FABP6: variants seen among roughly 807,000 people sequenced by gnomAD.
The protein encoded by FABP6 is gastrotropin.
FABP6 carries 13 observed loss-of-function variants against 14.9 expected under a neutral mutation model. The ratio of observed to expected loss-of-function variants is 0.87; its 90% CI spans 0.57 to 1.39. The LOEUF (loss-of-function observed/expected upper bound fraction) is 1.39, where lower values mean the gene tolerates loss of function less well. FABP6 is among the 40% of genes most tolerant of loss of function. The probability of loss-of-function intolerance (pLI) is 0.00; values close to 1 mark genes in which losing one functional copy is unlikely to be tolerated. For synonymous variants in FABP6, 75 were observed against 63.6 expected, an observed-to-expected ratio of 1.18 and a Z score of -0.85; for missense variants, 161 against 167.2, an observed-to-expected ratio of 0.96 and a Z score of 0.20.
rs571675099 is a variant in FABP6 at position 160,235,005 on chromosome 5, C to T, written c.333+96C>T. ...GTAGGCCTCTACGCAGCTGGCTTTA[C>T]CAGCACTTCCCTTGTACCAGGCTCT... On this transcript the variant is annotated intron_variant, in intron 3 of 3. Transcript: ENST00000402432. The T allele has an allele frequency of 9.5e-6, 9 of 950,438 alleles. No homozygotes were observed. In the South Asian group the frequency reaches 9.6e-5, roughly 10 times the overall value. The allele number at this position is 950,438 out of a possible 1,614,324, so 58.9% of individuals were successfully genotyped here.
intron 2 of FABP6, among the ~76,000 whole-genome samples, chr5:160,210,839 A>C: frequency 6.6e-6 from 1 of 152,228 alleles, no homozygotes; most frequent in Middle Eastern, 3.2e-3. Flanking sequence ...TACACACCGC[A>C]TTAACACCAA....
chr5:160,213,115 G>C (rs191985815), intron 2 of FABP6, among the ~76,000 whole-genome samples: 107 of 152,314 alleles, frequency 7.0e-4, no homozygotes, highest in African/African-American at 2.3e-3. Flanking sequence ...CGGTCGAGAT[G>C]GTTGGTACCA....
chr5:160,209,319 C>T (rs1176462753), intron 2 of FABP6, among the ~76,000 whole-genome samples: 2 of 151,882 alleles, frequency 1.3e-5, no homozygotes, highest in Non-Finnish European at 2.9e-5. Flanking sequence ...GAGTTTGAGA[C>T]CAGCCTGGGC....
rs761775708 is a variant in FABP6, at chr5:160,189,415, G to A, written c.-59+1961G>A. Among the ~76,000 whole-genome samples, 90 of 152,044 alleles carry A rather than the reference G, an allele frequency of 5.9e-4. 1 individual carries two copies. Among genetic ancestry groups the A allele is most frequent in the Non-Finnish European group, 1.3e-4 (9 of 68,004 alleles). On this transcript the variant is annotated intron_variant, in intron 1 of 6. Transcript: ENST00000393980. ...CACCACCACACCCGGCTAATTTTGT[G>A]TATTTTTAGTAGAGATGGGGTTTCA...
At chr5:160,203,409 T>C (rs542509305) in intron 2 of FABP6, among the ~76,000 whole-genome samples, 5 of 152,356 alleles carry the variant, frequency 3.3e-5, no homozygotes, top group African/African-American at 9.6e-5. Flanking sequence ...AAGTTCAGTT[T>C]GATTATATGG....
At chr5:160,193,156 T>C (rs1045248789) in intron 1 of FABP6, among the ~76,000 whole-genome samples, 1 of 152,168 alleles carries the variant, frequency 6.6e-6, no homozygotes, top group Non-Finnish European at 1.5e-5. Flanking sequence ...TTGTTCCTTC[T>C]GATGTTCGGA....
At chr5:160,192,894 T>G (rs767593854) in intron 1 of FABP6, among the ~76,000 whole-genome samples, 1 of 152,230 alleles carries the variant, frequency 6.6e-6, no homozygotes, top group Non-Finnish European at 1.5e-5. Flanking sequence ...GGAGGATTGC[T>G]TGAAGTCAGG....
chr5:160,204,554 A>G (rs1330759655), intron 2 of FABP6, among the ~76,000 whole-genome samples: 2 of 151,850 alleles, frequency 1.3e-5, no homozygotes, highest in Non-Finnish European at 2.9e-5. Context: ...CAGTGGCGCA[A>G]TCTTGGCTCA....
chr5:160,200,167 C>T (rs1409331226), intron 2 of FABP6, among the ~76,000 whole-genome samples: 3 of 152,196 alleles, frequency 2.0e-5, no homozygotes, highest in African/African-American at 4.8e-5. Flanking sequence ...GCTCAAGCTG[C>T]GGAAGTGGCA....
chr5:160,193,330 G>GT (rs1759438033), intron 1 of FABP6, among the ~76,000 whole-genome samples: 1 of 152,270 alleles, frequency 6.6e-6, no homozygotes, highest in East Asian at 1.9e-4. Context: ...GACTTTCACG[G>GT]TAAGTGTTAT....
upstream of FABP6, among the ~76,000 whole-genome samples, chr5:160,227,932 C>G (rs552668035): frequency 3.3e-5 from 5 of 150,768 alleles, no homozygotes; most frequent in Admixed American, 2.0e-4. Flanking sequence ...GAGATTAAAG[C>G]CTGGTAAAAT....
intron 1 of FABP6, among the ~76,000 whole-genome samples, chr5:160,190,523 C>T (rs374603236): frequency 4.6e-5 from 7 of 152,168 alleles, no homozygotes; most frequent in African/African-American, 7.2e-5. Context: ...TGAGCCACCA[C>T]GCCCAGCCTG....
At chr5:160,217,484 A>G (rs1209912432) in intron 3 of FABP6, among the ~76,000 whole-genome samples, 2 of 152,222 alleles carry the variant, frequency 1.3e-5, no homozygotes, top group Non-Finnish European at 2.9e-5. Context: ...TGGACAGAGC[A>G]TCGTGGAAGC....
intron 1 of FABP6, among the ~76,000 whole-genome samples, chr5:160,189,337 G>A (rs538868457): frequency 6.6e-6 from 1 of 152,146 alleles, no homozygotes; most frequent in South Asian, 2.1e-4. Context: ...CACTTCCCAG[G>A]TTCAAGTGAT....
intron 2 of FABP6, among the ~76,000 whole-genome samples, chr5:160,233,596 C>T (rs952124245): frequency 1.4e-4 from 21 of 152,128 alleles, no homozygotes; most frequent in Admixed American, 3.3e-4. Flanking sequence ...AGAAACTGGC[C>T]GGGCACGGTG....
chr5:160,213,369 C>A (rs886708998), intron 2 of FABP6, among the ~76,000 whole-genome samples: 1 of 152,162 alleles, frequency 6.6e-6, no homozygotes, highest in African/African-American at 2.4e-5. Context: ...GTGGTGGTGG[C>A]CATATTCTAT....
rs146793977 is a variant in FABP6 at position 160,217,164 on chromosome 5, A to G, written c.135+3345A>G. On this transcript the variant is annotated intron_variant, in intron 3 of 6. Coordinates refer to the FABP6 transcript ENST00000393980. ...TCTTGGCTCTCAGTATTTTCCATCA[A>G]CTGAGATGCTCCATGGGGGCAGCAA... 6.0e-3 allele frequency among the ~76,000 whole-genome samples: 908 copies of G among 152,278 alleles called. 6 individuals carry two copies. The highest frequency in any genetic ancestry group is 0.01 in the Middle Eastern group (3 of 294).
At chr5:160,205,317 C>CAAAA (rs1163175404) in intron 2 of FABP6, among the ~76,000 whole-genome samples, 16 of 66,986 alleles carry the variant, frequency 2.4e-4, no homozygotes, top group East Asian at 1.6e-3. Context: ...GACTTCATCT[C>CAAAA]AAAAAAAAAA....
intron 2 of FABP6, among the ~76,000 whole-genome samples, chr5:160,207,210 G>T (rs1000206747): frequency 6.6e-6 from 1 of 152,206 alleles, no homozygotes; most frequent in Non-Finnish European, 1.5e-5. Flanking sequence ...ATGGGCAAGG[G>T]CCACGAACCT....
Sources: allele counts gnomAD v4.1 joint callset (sites outside exome capture counted in the v4.1 genomes callset), GRCh38; gene constraint gnomAD v4.1.1; transcripts MANE v1.5; gene names NCBI Gene and HGNC (gene_info 2026-07-23, HGNC 2026-07-21).